The following SPOCK3 variants were observed in gnomAD, a reference collection of about 807,000 sequenced individuals.
SPOCK3 encodes the protein SPARC (osteonectin), cwcv and kazal like domains proteoglycan 3.
A neutral mutation model predicts 56.6 loss-of-function variants in SPOCK3; 30 were observed. The observed-to-expected ratio is 0.53, with a 90% confidence interval of 0.40 to 0.72. SPOCK3 has a LOEUF of 0.72. Ranked by LOEUF, SPOCK3 falls within the 30% of genes least tolerant of loss-of-function variation. The probability of loss-of-function intolerance (pLI) is 0.00; values close to 1 mark genes in which losing one functional copy is unlikely to be tolerated. For synonymous variants in SPOCK3, 196 were observed against 183.3 expected (o/e 1.07, Z -0.56); for missense variants, 527 against 530.0 (o/e 0.99, Z 0.06).
chr4:166,804,618 T>C (rs1742962479), intron 6 of SPOCK3, among the ~76,000 whole-genome samples: 1 of 152,176 alleles, frequency 6.6e-6, no homozygotes, highest in Non-Finnish European at 1.5e-5. Context: ...TAAATCTTCA[T>C]ATACATTTAG....
intron 2 of SPOCK3, among the ~76,000 whole-genome samples, chr4:167,113,553 A>G (rs1405752122): frequency 2.0e-5 from 3 of 152,100 alleles, no homozygotes; most frequent in Non-Finnish European, 4.4e-5. Flanking sequence ...GAGCAGATAG[A>G]TGGCACATTC....
At chr4:166,920,091 C>T (rs1037150853) in intron 4 of SPOCK3, among the ~76,000 whole-genome samples, 2 of 152,084 alleles carry the variant, frequency 1.3e-5, no homozygotes, top group African/African-American at 2.4e-5. Flanking sequence ...GTCTCTGGTG[C>T]GTACAATTCA....
At chr4:166,781,111 T>A (rs1486149257) in intron 7 of SPOCK3, among the ~76,000 whole-genome samples, 1 of 152,112 alleles carries the variant, frequency 6.6e-6, no homozygotes, top group Non-Finnish European at 1.5e-5. Context: ...GTTATTTACA[T>A]CCATCTCTAC....
intron 9 of SPOCK3, among the ~76,000 whole-genome samples, chr4:166,741,544 A>G (rs1239995949): frequency 6.6e-6 from 1 of 152,194 alleles, no homozygotes; most frequent in African/African-American, 2.4e-5. Context: ...ACTTATTAAA[A>G]GAAGGGTAGT....
chr4:166,819,938 T>C (rs2126756861), intron 6 of SPOCK3, among the ~76,000 whole-genome samples: 1 of 152,062 alleles, frequency 6.6e-6, no homozygotes, highest in East Asian at 1.9e-4. Context: ...CCTAGGGTCA[T>C]CTTGAACTCC....
chr4:166,964,873 A>G lies in SPOCK3; in HGVS notation c.350+35476T>C, dbSNP rs992001952. ...TGTCATCAGTAATAAATATATATTA[A>G]CTAAAAATAATTTGAATGCTATTAT... is the stretch of plus-strand genomic sequence containing the variant. On this transcript the variant is annotated intron_variant, in intron 4 of 10. Coordinates refer to ENST00000357545, the MANE Select transcript of SPOCK3 (RefSeq NM_001040159.2). Among the ~76,000 whole-genome samples, 7 of 151,996 alleles carry G rather than the reference A, an allele frequency of 4.6e-5. No homozygotes were observed. The South Asian group carries it at 1.0e-3, about 22-fold the overall frequency.
intron 7 of SPOCK3, among the ~76,000 whole-genome samples, chr4:166,766,826 T>A (rs1191886657): frequency 6.6e-6 from 1 of 152,208 alleles, no homozygotes; most frequent in Non-Finnish European, 1.5e-5. Context: ...CCTGGACTTT[T>A]TTTGGTTGGT....
intron 8 of SPOCK3, among the ~76,000 whole-genome samples, chr4:166,742,263 ATCT>A (rs748319456): frequency 1.4e-4 from 20 of 147,910 alleles, no homozygotes; most frequent in Non-Finnish European, 2.7e-4. Context: ...CTATCTATCT[ATCT>A]ATCTATCTAT....
At chr4:167,146,952 A>T (rs1176775467) in intron 2 of SPOCK3, among the ~76,000 whole-genome samples, 1 of 152,132 alleles carries the variant, frequency 6.6e-6, no homozygotes, top group Non-Finnish European at 1.5e-5. Context: ...ACAAGAAATA[A>T]CTAAGATCAG....
At chr4:167,126,758 C>T (rs1039899733) in intron 2 of SPOCK3, among the ~76,000 whole-genome samples, 2 of 152,126 alleles carry the variant, frequency 1.3e-5, no homozygotes, top group Admixed American at 1.3e-4. Flanking sequence ...TTTTAGAAAA[C>T]CACATACGCA....
At chr4:167,185,693 A>G (rs908362787) in intron 2 of SPOCK3, among the ~76,000 whole-genome samples, 1 of 152,198 alleles carries the variant, frequency 6.6e-6, no homozygotes, top group South Asian at 2.1e-4. Context: ...ACTGGAGTTC[A>G]CTATATTTTA....
At chr4:166,831,666 C>G in intron 6 of SPOCK3, among the ~76,000 whole-genome samples, 1 of 147,352 alleles carries the variant, frequency 6.8e-6, no homozygotes, top group African/African-American at 2.5e-5. Flanking sequence ...CTTTTATTTT[C>G]TTGACCAATC....
intron 4 of SPOCK3, among the ~76,000 whole-genome samples, chr4:166,957,581 G>T (rs1743636231): frequency 6.6e-6 from 1 of 152,132 alleles, no homozygotes; most frequent in South Asian, 2.1e-4. Flanking sequence ...AGAAGTGGTG[G>T]CTCTTTCTTC....
At chr4:167,141,803 C>A (rs1763556528) in intron 2 of SPOCK3, among the ~76,000 whole-genome samples, 1 of 151,958 alleles carries the variant, frequency 6.6e-6, no homozygotes, top group Non-Finnish European at 1.5e-5. Flanking sequence ...ACTAAATAAT[C>A]ATAATTGAAG....
At chr4:166,787,760 A>C (rs1300433584) in intron 7 of SPOCK3, among the ~76,000 whole-genome samples, 1 of 152,212 alleles carries the variant, frequency 6.6e-6, no homozygotes, top group Non-Finnish European at 1.5e-5. Context: ...TGATGATTCT[A>C]GTGTTATCAG....
chr4:167,207,163 T>A (rs1428178218), intron 2 of SPOCK3, among the ~76,000 whole-genome samples: 1 of 152,046 alleles, frequency 6.6e-6, no homozygotes, highest in Non-Finnish European at 1.5e-5. Context: ...TTATTTGAAA[T>A]AAAATTACCT....
At chr4:166,775,967 A>G (rs1739485948) in intron 7 of SPOCK3, among the ~76,000 whole-genome samples, 1 of 152,188 alleles carries the variant, frequency 6.6e-6, no homozygotes, top group African/African-American at 2.4e-5. Context: ...AACAGAGAAA[A>G]AAGAAAATAG....
At chr4:167,033,627 G>A (rs935022491) in intron 3 of SPOCK3, among the ~76,000 whole-genome samples, 1 of 151,886 alleles carries the variant, frequency 6.6e-6, no homozygotes, top group African/African-American at 2.4e-5. Context: ...AATCCATGGT[G>A]AACCTCAGAA....
chr4:167,062,716 A>C (rs1425975927), intron 2 of SPOCK3, 179 bp from the exon 3 acceptor site: 1 of 559,738 alleles, frequency 1.8e-6, no homozygotes, highest in African/African-American at 1.9e-5. Context: ...AGAGAAAAAG[A>C]ATAGTTATCA....
Sources: allele counts gnomAD v4.1 joint callset (sites outside exome capture counted in the v4.1 genomes callset), GRCh38; gene constraint gnomAD v4.1.1; transcripts MANE v1.5; gene names NCBI Gene and HGNC (gene_info 2026-07-23, HGNC 2026-07-21).